KIAA1217: variants seen among roughly 807,000 people sequenced by gnomAD.
KIAA1217 encodes sickle tail protein homolog.
Under a neutral mutation model 163.9 loss-of-function variants are expected in KIAA1217, and 88 were observed. That is an observed-to-expected ratio of 0.54 (90% confidence interval 0.45 to 0.64). KIAA1217 has a LOEUF of 0.64. Ranked by LOEUF, KIAA1217 falls within the 30% of genes least tolerant of loss-of-function variation. The pLI is 0.00. For missense variants in KIAA1217, 2,372 were observed against 2,475.0 expected (o/e 0.96, Z 0.88); for synonymous variants, 903 against 923.1 (o/e 0.98, Z 0.39).
At chr10:23,896,355 A>T (rs192470341) in intron 1 of KIAA1217, among the ~76,000 whole-genome samples, 1 of 152,178 alleles carries the variant, frequency 6.6e-6, no homozygotes, top group Admixed American at 6.5e-5. Context: ...ATTGGCATTC[A>T]CGCATCACAC....
rs1846464048 is a variant in KIAA1217 at position 23,995,997 on chromosome 10, G to C, written c.-320-11228G>C. ...GTCCATCTCACTGGGGTACCGTGAT[G>C]AATGTCACAGATGATGGAAATATGC... is the stretch of plus-strand genomic sequence containing the variant. On this transcript the variant is annotated intron_variant, in intron 1 of 18. Transcript: ENST00000376462. Among the ~76,000 whole-genome samples the C allele has an allele frequency of 2.0e-5, 3 of 152,156 alleles. No homozygotes were observed. The South Asian group carries it at 6.2e-4, about 32-fold the overall frequency.
At position 23,820,996 on chromosome 10, in the gene KIAA1217, G is replaced by A. The variant is rs950521664; in HGVS notation, c.-321+125762G>A. ...GCTTATGTTGTGTGGGTGAGATAAA[G>A]TTGCAGAAGGAACTTAGCATTGCCT... On this transcript the variant is annotated intron_variant, in intron 1 of 18. Transcript: ENST00000376462. Among the ~76,000 whole-genome samples the A allele has an allele frequency of 3.9e-5, 6 of 152,172 alleles. No homozygotes were observed. The East Asian group carries it at 1.2e-3, about 29-fold the overall frequency.
intron 2 of KIAA1217, among the ~76,000 whole-genome samples, chr10:24,039,384 A>T (rs1848531290): frequency 1.3e-5 from 2 of 152,138 alleles, no homozygotes; most frequent in African/African-American, 4.8e-5. Flanking sequence ...CATACTTTGA[A>T]TTTTGAAATG....
rs949702768 is a variant in KIAA1217 at position 23,958,391 on chromosome 10, G to T, written c.-320-48834G>T. On this transcript the variant is annotated intron_variant, in intron 1 of 18. Coordinates refer to the KIAA1217 transcript ENST00000376462. ...ATAAGAGGCAGGCTTCAATGTCCTT[G>T]TGAGGGAGTACACAGGATTTTAGCA... Among the ~76,000 whole-genome samples, 3 of 152,198 alleles carry T rather than the reference G, an allele frequency of 2.0e-5. 1 individual carries two copies. The highest frequency in any genetic ancestry group is 4.8e-5 in the African/African-American group (2 of 41,442).
At position 24,293,438 on chromosome 10, in the gene KIAA1217, C is replaced by G. The variant is rs141826374; in HGVS notation, c.354+73529C>G. On this transcript the variant is annotated intron_variant, in intron 2 of 20. Coordinates refer to ENST00000376454, the MANE Select transcript of KIAA1217 (RefSeq NM_019590.5). The stretch of plus-strand genomic sequence containing the variant: ...ACCTTGCTGCCTCTGCAGGCACTGC[C>G]CCGCCCCGGCCCTTCCACTCTAGAG... Among the ~76,000 whole-genome samples the G allele has an allele frequency of 6.8e-4, 104 of 152,288 alleles. 2 individuals carry two copies. The East Asian group carries it at 0.018, about 27-fold the overall frequency.
chr10:24,284,760 A>G (rs1406225930), intron 2 of KIAA1217, among the ~76,000 whole-genome samples: 1 of 152,244 alleles, frequency 6.6e-6, no homozygotes, highest in African/African-American at 2.4e-5. Flanking sequence ...ATACCCAATA[A>G]GGAGATTGCT....
intron 2 of KIAA1217, among the ~76,000 whole-genome samples, chr10:24,228,859 T>A (rs144735866): frequency 7.2e-5 from 11 of 152,210 alleles, no homozygotes; most frequent in Admixed American, 2.6e-4. Context: ...TCATTGGCAT[T>A]TTTACAGAAT....
chr10:24,065,720 C>G (rs1449429236), intron 2 of KIAA1217, among the ~76,000 whole-genome samples: 2 of 152,190 alleles, frequency 1.3e-5, no homozygotes, highest in Middle Eastern at 3.2e-3. Context: ...TCTCATTGAT[C>G]TGTCTCATGT....
chr10:24,041,159 C>A (rs1848612913), intron 2 of KIAA1217, among the ~76,000 whole-genome samples: 1 of 152,196 alleles, frequency 6.6e-6, no homozygotes, highest in African/African-American at 2.4e-5. Context: ...TTCCCAGAAC[C>A]TTTTTATAGT....
chr10:24,452,746 A>T (rs1435825691), intron 5 of KIAA1217, among the ~76,000 whole-genome samples: 1 of 152,034 alleles, frequency 6.6e-6, no homozygotes, highest in African/African-American at 2.4e-5. Flanking sequence ...GAATGCCTAT[A>T]GTCAAAAATA....
At chr10:24,486,093 C>T (rs1380174134) in intron 6 of KIAA1217, among the ~76,000 whole-genome samples, 1 of 152,174 alleles carries the variant, frequency 6.6e-6, no homozygotes, top group Non-Finnish European at 1.5e-5. Flanking sequence ...CCATTGCTCT[C>T]GACCTCACAG....
intron 2 of KIAA1217, among the ~76,000 whole-genome samples, chr10:24,368,348 C>A (rs2051079716): frequency 6.6e-6 from 1 of 152,082 alleles, no homozygotes; most frequent in Non-Finnish European, 1.5e-5. Context: ...TGACATTGCC[C>A]AGTGGGATTT....
chr10:24,261,378 T>C (rs563154693), intron 2 of KIAA1217, among the ~76,000 whole-genome samples: 1 of 151,998 alleles, frequency 6.6e-6, no homozygotes, highest in South Asian at 2.1e-4. Context: ...GCGTCTGTAA[T>C]CTCAGCTACT....
At chr10:23,987,546 G>A (rs1846033425) in intron 1 of KIAA1217, among the ~76,000 whole-genome samples, 1 of 151,690 alleles carries the variant, frequency 6.6e-6, no homozygotes, top group South Asian at 2.1e-4. Flanking sequence ...TTTGAAAAAA[G>A]TATGCATCAC....
chr10:24,017,051 T>G (rs1462028112), intron 2 of KIAA1217, among the ~76,000 whole-genome samples: 12 of 150,900 alleles, frequency 8.0e-5, no homozygotes, highest in Non-Finnish European at 1.3e-4. Flanking sequence ...TTTTTTTTTT[T>G]TTTTTTTGAT....
In KIAA1217 at chr10:24,292,423, G is replaced by C. The variant is rs532867408; in HGVS notation, c.354+72514G>C. On this transcript the variant is annotated intron_variant, in intron 2 of 20. Coordinates refer to ENST00000376454, the MANE Select transcript of KIAA1217 (RefSeq NM_019590.5). Reference sequence around the variant, plus strand: ...CACAAACTTTCTTGAAAATTCTTGGGGTTCTGCCTTTACAGGAAGGCCATT... The same window carrying C: ...CACAAACTTTCTTGAAAATTCTTGGCGTTCTGCCTTTACAGGAAGGCCATT... Among the ~76,000 whole-genome samples the C allele has an allele frequency of 9.2e-5, 14 of 152,220 alleles. No individual in the cohort carries two copies. In the East Asian group the frequency reaches 1.5e-3, roughly 17 times the overall value.
intron 2 of KIAA1217, among the ~76,000 whole-genome samples, chr10:24,338,380 C>A (rs567841082): frequency 6.6e-6 from 1 of 152,148 alleles, no homozygotes; most frequent in Non-Finnish European, 1.5e-5. Flanking sequence ...TAGCCCTAGA[C>A]CCCCAGTCCT....
intron 2 of KIAA1217, among the ~76,000 whole-genome samples, chr10:24,222,839 A>G (rs1416044088): frequency 6.6e-6 from 1 of 152,218 alleles, no homozygotes; most frequent in Admixed American, 6.5e-5. Flanking sequence ...GTAAAGAAAT[A>G]AAAGAATGGC....
Position 23,759,722 on chromosome 10 carries a change from C to G in KIAA1217, c.-321+64488C>G, listed in dbSNP as rs532445188. Among the ~76,000 whole-genome samples, 7 of 152,330 alleles carry G rather than the reference C, an allele frequency of 4.6e-5. No homozygotes were observed. The South Asian group carries it at 1.5e-3, about 32-fold the overall frequency. ...GTAGTGAGATAAGAACGATGTCTGA[C>G]AGACTTTGGGCTGATTCATAACACT... On this transcript the variant is annotated intron_variant, in intron 1 of 18. Transcript: ENST00000376462.
Sources: gnomAD v4.1 joint callset for allele counts (sites outside exome capture counted in the v4.1 genomes callset) on GRCh38, gnomAD v4.1.1 for gene constraint, MANE v1.5 for transcripts, NCBI Gene and HGNC (gene_info 2026-07-23, HGNC 2026-07-21) for gene names.